SIRT2: variants seen among roughly 807,000 people sequenced by gnomAD.
SIRT2 encodes the protein NAD-dependent protein deacetylase sirtuin-2.
Under a neutral mutation model 57.4 loss-of-function variants are expected in SIRT2, and 40 were observed. That is an observed-to-expected ratio of 0.70 (90% CI 0.54 to 0.91). SIRT2 has a LOEUF of 0.91. Ranked by LOEUF, SIRT2 falls within the 40% of genes least tolerant of loss-of-function variation. The pLI, the probability that SIRT2 is intolerant of heterozygous loss-of-function variation, is 0.00. For missense variants in SIRT2, 439 were observed against 510.4 expected, an observed-to-expected ratio of 0.86 and a Z score of 1.35; for synonymous variants, 161 against 195.7, an observed-to-expected ratio of 0.82 and a Z score of 1.48.
chr19:38,894,011 T>C (rs1322911118), intron 2 of SIRT2, 144 bp from the exon 3 acceptor site: 4 of 1,491,968 alleles, frequency 2.7e-6, no homozygotes, highest in Non-Finnish European at 2.7e-6. Flanking sequence ...GCACTGGGGC[T>C]AGCTCCAGGG....
chr19:38,896,406 C>T lies in SIRT2; in HGVS notation c.63+1973G>A, dbSNP rs1022675488. On this transcript the variant is annotated intron_variant, in intron 2 of 15. Coordinates refer to ENST00000249396, the MANE Select transcript of SIRT2 (RefSeq NM_012237.4). ...AAAAAATAATTTTTTAAAAAAGAGA[C>T]GGCATCTTGCTATGTTGCCCAGGCT... Among the ~76,000 whole-genome samples the T allele has an allele frequency of 3.9e-5, 6 of 152,072 alleles. No homozygotes were observed. In the East Asian group the frequency reaches 7.7e-4, roughly 20 times the overall value.
At chr19:38,889,668 C>T in intron 7 of SIRT2, 21 bp downstream of exon 7, 1 of 1,613,462 alleles carries the variant, frequency 6.2e-7, no homozygotes, top group Non-Finnish European at 8.5e-7. Flanking sequence ...TGTTTCGCCC[C>T]CTGCAAAACA....
At chr19:38,885,128 C>G (rs1973285346) in intron 8 of SIRT2, among the ~76,000 whole-genome samples, 1 of 152,114 alleles carries the variant, frequency 6.6e-6, no homozygotes, top group South Asian at 2.1e-4. Context: ...CTCTGTCACT[C>G]AGGCTGGAGT....
chr19:38,884,997 C>T (rs769705209), intron 8 of SIRT2, among the ~76,000 whole-genome samples: 4 of 152,118 alleles, frequency 2.6e-5, no homozygotes, highest in Non-Finnish European at 4.4e-5. Context: ...TCATGCCTGG[C>T]CCTTCCTTGG....
rs1207776740 is a variant in SIRT2 at position 38,880,787 on chromosome 19, C to T, written c.824+34G>A. On this transcript the variant is annotated intron_variant, in intron 12 of 15. Coordinates refer to ENST00000249396, the MANE Select transcript of SIRT2 (RefSeq NM_012237.4). The surrounding 1 kb of genome is among the most constrained non-coding windows in gnomAD (Gnocchi z 4.1). The stretch of plus-strand genomic sequence containing the variant: ...CAGGGTCTGTCCTGGCCCTGGGTGC[C>T]CAGCCGTCCTCCCAGCCACAGCCCC... The T allele has an allele frequency of 2.5e-6, 4 of 1,612,402 alleles. No individual in the cohort carries two copies. Among genetic ancestry groups the T allele is most frequent in the Non-Finnish European group, 3.4e-6 (4 of 1,178,860 alleles).
chr19:38,881,326 A>T, intron 10 of SIRT2, 106 bp downstream of exon 10: 2 of 1,219,766 alleles, frequency 1.6e-6, no homozygotes, highest in Non-Finnish European at 2.4e-6. Context: ...GTTCAGAGAG[A>T]CAGAGGTGGC....
At chr19:38,887,452 G>A (rs1377496342) in intron 8 of SIRT2, among the ~76,000 whole-genome samples, 8 of 152,244 alleles carry the variant, frequency 5.3e-5, no homozygotes, top group African/African-American at 1.9e-4. Context: ...TTTATTCTGA[G>A]CCCGGAGTCT....
intron 1 of SIRT2, 69 bp downstream of exon 1, chr19:38,899,437 C>A (rs1973854230): frequency 1.3e-6 from 2 of 1,586,920 alleles, no homozygotes; most frequent in South Asian, 2.2e-5. Context: ...CACCCTTGGG[C>A]CCCGGGGCCT....
At chr19:38,887,867 C>T (rs1488255197) in intron 8 of SIRT2, among the ~76,000 whole-genome samples, 2 of 152,138 alleles carry the variant, frequency 1.3e-5, no homozygotes, top group African/African-American at 4.8e-5. Context: ...TCAAGCGATT[C>T]TCCTGCCTCA....
chr19:38,879,652 A>G lies in SIRT2; in HGVS notation c.927T>C (p.Phe309=), dbSNP rs769428350. ...MIMGLGGGMD[F]DSKKAYRDVA... is the part of the protein sequence containing the mutation. ...CTCACCTGTAGGCCTTCTTGGAGTC[A>G]AAGTCCATGCCTCCTCCGAGGCCCA... Residue 309 remains phenylalanine, a synonymous_variant, in exon 14 of 16, where the codon TTT becomes TTC. Coordinates refer to ENST00000249396, the MANE Select transcript of SIRT2 (RefSeq NM_012237.4). 6.3e-7 allele frequency: 1 copy of G among 1,574,918 alleles called. No individual in the cohort carries two copies. The highest frequency in any genetic ancestry group is 1.4e-5 in the African/African-American group (1 of 73,988).
intron 2 of SIRT2, among the ~76,000 whole-genome samples, chr19:38,897,675 C>T (rs1276975432): frequency 2.0e-5 from 3 of 152,088 alleles, no homozygotes. Context: ...CAGGCATGCA[C>T]CACTACACAT....
At position 38,879,835 on chromosome 19, in the gene SIRT2, T is replaced by G. The variant is rs188990933; in HGVS notation, c.877-133A>C. The G allele has an allele frequency of 3.4e-3, 2,272 of 663,954 alleles. 36 individuals are homozygous for G. In the African/African-American group the frequency reaches 0.035, roughly 10 times the overall value. The allele number at this position is 663,954 out of a possible 1,614,324, so 41.1% of individuals were successfully genotyped here. A position where few individuals can be genotyped will look rare whatever the true frequency, so the allele number is the denominator to read the frequency against. On this transcript the variant is annotated intron_variant, in intron 13 of 15. Transcript: ENST00000249396. ...TTTTTTTTTGTTGTTGTTTTTTTGGTTTTTTTTGAGACAAAGTTTCACTCT... is the reference window on the plus strand; with the variant it reads ...TTTTTTTTTGTTGTTGTTTTTTTGGGTTTTTTTGAGACAAAGTTTCACTCT...
chr19:38,881,107 A>C lies in SIRT2; in HGVS notation c.740T>G (p.Met247Arg), dbSNP rs1481980295. The change falls in exon 11 of 16, where the codon ATG becomes AGG. Residue 247 changes from methionine to arginine, a missense_variant. Transcript: ENST00000249396. Reference sequence around the variant, plus strand: ...GGCTGGGGGGCCACTTACTGACTGCATACAGGAGAAGAAACGCGCTGGGAG... The same window carrying C: ...GGCTGGGGGGCCACTTACTGACTGCCTACAGGAGAAGAAACGCGCTGGGAG... ...ESLPARFFSC[M>R]QSDFLKVDLL... 1 of 1,613,394 alleles carries C rather than the reference A, an allele frequency of 6.2e-7. No homozygotes were observed. Among genetic ancestry groups the C allele is most frequent in the Non-Finnish European group, 8.5e-7 (1 of 1,179,792 alleles).
intron 1 of SIRT2, chr19:38,898,997 G>A (rs1416186763): frequency 1.0e-5 from 2 of 191,904 alleles, no homozygotes; most frequent in East Asian, 1.3e-4. Context: ...TGTGCGGGGA[G>A]GGTTAGATTT....
intron 2 of SIRT2, among the ~76,000 whole-genome samples, chr19:38,895,967 G>C (rs1973703546): frequency 6.6e-6 from 1 of 152,180 alleles, no homozygotes; most frequent in Admixed American, 6.5e-5. Context: ...AGCTATTCAG[G>C]AGGCTGAGGC....
At chr19:38,881,374 G>T in intron 10 of SIRT2, 58 bp downstream of exon 10, 1 of 1,498,866 alleles carries the variant, frequency 6.7e-7, no homozygotes, top group South Asian at 1.1e-5. Context: ...AGGGGGTCAG[G>T]GGGAGGAGGG....
chr19:38,894,818 A>C, intron 2 of SIRT2: 1 of 454,326 alleles, frequency 2.2e-6, no homozygotes, highest in African/African-American at 2.0e-5. Flanking sequence ...TTCTCTTTCC[A>C]CTTTCCTGGG....
chr19:38,890,048 T>C (rs1410414788), intron 5 of SIRT2, 55 bp downstream of exon 5: 2 of 1,610,758 alleles, frequency 1.2e-6, no homozygotes, highest in Non-Finnish European at 8.5e-7. Context: ...CCCCAGCCCT[T>C]GGGAGGGACT....
chr19:38,897,661 A>C (rs1973762981), intron 2 of SIRT2, among the ~76,000 whole-genome samples: 1 of 151,982 alleles, frequency 6.6e-6, no homozygotes, highest in Admixed American at 6.6e-5. Context: ...AGTAGCTGGC[A>C]ATGCAGGCAT....
Sources: allele counts gnomAD v4.1 joint callset (sites outside exome capture counted in the v4.1 genomes callset), GRCh38; gene constraint gnomAD v4.1.1; non-coding constraint Gnocchi (gnomAD v3.1); transcripts MANE v1.5; gene names NCBI Gene and HGNC (gene_info 2026-07-23, HGNC 2026-07-21).